WDPCP: variants seen among roughly 807,000 people sequenced by gnomAD.
WDPCP encodes WD repeat-containing and planar cell polarity effector protein fritz homolog.
WDPCP carries 71 observed loss-of-function variants against 93.1 expected under a neutral mutation model. The ratio of observed to expected loss-of-function variants is 0.76; its 90% CI spans 0.63 to 0.93. The LOEUF (loss-of-function observed/expected upper bound fraction) is 0.93, where lower values mean the gene tolerates loss of function less well. Ranked by LOEUF, WDPCP falls within the 40% of genes least tolerant of loss-of-function variation. The pLI is 0.00. For missense variants in WDPCP, 844 were observed against 887.4 expected, an observed-to-expected ratio of 0.95 and a Z score of 0.62; for synonymous variants, 315 against 315.0, an observed-to-expected ratio of 1.00 and a Z score of 0.00.
intron 3 of WDPCP, among the ~76,000 whole-genome samples, chr2:63,634,994 T>C (rs1002820566): frequency 1.3e-5 from 2 of 151,886 alleles, no homozygotes; most frequent in African/African-American, 4.8e-5. Flanking sequence ...CTAAATTAAG[T>C]AAGAAAAACA....
intron 12 of WDPCP, 116 bp downstream of exon 12, chr2:63,378,270 G>A: frequency 7.5e-7 from 1 of 1,331,134 alleles, no homozygotes; most frequent in Non-Finnish European, 1.1e-6. Flanking sequence ...ATATTTCTTT[G>A]AGGAGATGGA....
chr2:63,604,488 T>G (rs1359784144), intron 3 of WDPCP, among the ~76,000 whole-genome samples: 2 of 152,228 alleles, frequency 1.3e-5, no homozygotes, highest in African/African-American at 4.8e-5. Flanking sequence ...TCCATAAGGT[T>G]TCAAGTCCAC....
At chr2:63,302,893 G>A (rs1409422856) in intron 13 of WDPCP, among the ~76,000 whole-genome samples, 1 of 152,152 alleles carries the variant, frequency 6.6e-6, no homozygotes, top group Admixed American at 6.5e-5. Context: ...TTGGGAACAT[G>A]ACCTGTAAAC....
intron 3 of WDPCP, among the ~76,000 whole-genome samples, chr2:63,596,527 G>T (rs1437548423): frequency 6.6e-6 from 1 of 152,132 alleles, no homozygotes; most frequent in African/African-American, 2.4e-5. Context: ...CTGTTGGTTT[G>T]TCCTCTGCCA....
chr2:63,692,474 A>G (rs550994517), intron 2 of WDPCP, among the ~76,000 whole-genome samples: 34 of 152,342 alleles, frequency 2.2e-4, no homozygotes, highest in African/African-American at 8.2e-4. Context: ...TTTACCCATA[A>G]TATATGCAAA....
At chr2:63,604,702 C>A in intron 3 of WDPCP, 1 of 1,613,034 alleles carries the variant, frequency 6.2e-7, no homozygotes, top group South Asian at 1.1e-5. Context: ...CTAGATTGCT[C>A]TTAAACTTGG....
At chr2:63,208,256 G>A (rs1676490332) in intron 14 of WDPCP, among the ~76,000 whole-genome samples, 1 of 152,178 alleles carries the variant, frequency 6.6e-6, no homozygotes, top group East Asian at 1.9e-4. Flanking sequence ...TGCTTTGTAT[G>A]AGATGTGATT....
At chr2:63,286,349 G>GC (rs1684000986) in intron 13 of WDPCP, among the ~76,000 whole-genome samples, 3 of 152,022 alleles carry the variant, frequency 2.0e-5, no homozygotes, top group African/African-American at 7.2e-5. Context: ...ATTTGTTTCT[G>GC]CCCCACCCTA....
chr2:63,295,887 AAAAAAAAAAAAAAAAAATC>A (rs1225282148), intron 13 of WDPCP, among the ~76,000 whole-genome samples: 1 of 148,858 alleles, frequency 6.7e-6, no homozygotes, highest in Non-Finnish European at 1.5e-5. Flanking sequence ...TTCCAAAAAA[AAAAAAAAAAAAAAAAAATC>A]AAGTTGGAAG....
intron 17 of WDPCP, 80 bp downstream of exon 17, chr2:63,152,834 T>C (rs1671975578): frequency 1.5e-6 from 2 of 1,371,838 alleles, no homozygotes; most frequent in East Asian, 2.3e-5. Context: ...ATAGCATTTC[T>C]TGAGTTCAAA....
In WDPCP at chr2:63,744,403, G is replaced by A. The variant is rs191338274; in HGVS notation, n.308+69219C>T. On this transcript the variant is annotated intron_variant and non_coding_transcript_variant, in intron 2 of 4. Coordinates refer to the WDPCP transcript ENST00000467687. ...ACAAGATTCTGAGAAGACAGCCACCGTAATGTTGCTGCCATCAAAGGAACT... is the reference window on the plus strand; with the variant it reads ...ACAAGATTCTGAGAAGACAGCCACCATAATGTTGCTGCCATCAAAGGAACT... 9.0e-4 allele frequency among the ~76,000 whole-genome samples: 137 copies of A among 152,168 alleles called. 1 individual carries two copies. In the East Asian group the frequency reaches 0.015, roughly 17 times the overall value.
At chr2:63,784,684 G>C (rs183573760) in intron 2 of WDPCP, among the ~76,000 whole-genome samples, 5 of 152,026 alleles carry the variant, frequency 3.3e-5, no homozygotes, top group African/African-American at 1.2e-4. Flanking sequence ...TCAAAATTTA[G>C]GCCCAATTAC....
chr2:63,706,363 ATTAG>A (rs1490659466), intron 2 of WDPCP, among the ~76,000 whole-genome samples: 1 of 152,104 alleles, frequency 6.6e-6, no homozygotes, highest in Non-Finnish European at 1.5e-5. Context: ...TATTTTGCTC[ATTAG>A]TTGATGCAGT....
At chr2:63,157,324 T>G (rs530880770) in intron 15 of WDPCP, among the ~76,000 whole-genome samples, 1 of 152,234 alleles carries the variant, frequency 6.6e-6, no homozygotes, top group Admixed American at 6.5e-5. Context: ...GTACTTTTTT[T>G]TCTTTCGTTT....
intron 14 of WDPCP, among the ~76,000 whole-genome samples, chr2:63,208,721 G>A (rs1300269946): frequency 6.6e-6 from 1 of 152,130 alleles, no homozygotes; most frequent in Non-Finnish European, 1.5e-5. Flanking sequence ...CATCTGTCTG[G>A]ACCATTAGAA....
intron 3 of WDPCP, among the ~76,000 whole-genome samples, chr2:63,616,728 GA>G (rs1286617546): frequency 6.6e-6 from 1 of 151,966 alleles, no homozygotes. Context: ...CCCACGTGGA[GA>G]AGAAAAAAAT....
At chr2:63,248,249 T>A (rs1680445153) in intron 14 of WDPCP, among the ~76,000 whole-genome samples, 1 of 152,192 alleles carries the variant, frequency 6.6e-6, no homozygotes, top group South Asian at 2.1e-4. Context: ...TCTTGGTTAA[T>A]CTTTATTTTT....
chr2:63,299,012 G>T (rs969076688), intron 13 of WDPCP, among the ~76,000 whole-genome samples: 1 of 152,212 alleles, frequency 6.6e-6, no homozygotes, highest in Non-Finnish European at 1.5e-5. Context: ...GGCTAGGCTT[G>T]TCTACCTGTT....
At chr2:63,393,453 A>G (rs921613003) in intron 10 of WDPCP, among the ~76,000 whole-genome samples, 3 of 152,002 alleles carry the variant, frequency 2.0e-5, no homozygotes, top group African/African-American at 7.2e-5. Context: ...GTTGATCAGT[A>G]AACCAACATG....
Sources: gnomAD v4.1 joint callset for allele counts (sites outside exome capture counted in the v4.1 genomes callset) on GRCh38, gnomAD v4.1.1 for gene constraint, MANE v1.5 for transcripts, NCBI Gene and HGNC (gene_info 2026-07-23, HGNC 2026-07-21) for gene names.